CA4: variants seen among roughly 807,000 people sequenced by gnomAD.
CA4 encodes carbonic anhydrase 4.
A neutral mutation model predicts 34.5 loss-of-function variants in CA4; 24 were observed. The ratio of observed to expected loss-of-function variants is 0.70; its 90% CI spans 0.50 to 0.98. The LOEUF (loss-of-function observed/expected upper bound fraction) is 0.98. Among genes scored for constraint, CA4 ranks in the 50% least tolerant of loss-of-function variants. The probability of loss-of-function intolerance (pLI) is 0.00; values close to 1 mark genes in which losing one functional copy is unlikely to be tolerated. For missense variants in CA4, 394 were observed against 396.7 expected, an observed-to-expected ratio of 0.99 and a Z score of 0.06; for synonymous variants, 178 against 170.6, an observed-to-expected ratio of 1.04 and a Z score of -0.34.
rs748212755 is a variant in CA4, at chr17:60,157,766, C to T, written c.491C>T (p.Ala164Val). ...KEAQDPEDEIAVLAFLVEAGT... is the reference protein window; with the variant it reads ...KEAQDPEDEIVVLAFLVEAGT... ...GCCCAGGACCCTGAAGACGAAATTG[C>T]GGTGCTGGCCTTTCTGGTGGAGGTG... is the stretch of plus-strand genomic sequence containing the variant. The change falls in exon 5 of 8, where the codon GCG (alanine) becomes GTG (valine). Residue 164 changes from alanine (A) to valine (V), a missense_variant. Transcript: ENST00000300900. The T allele has an allele frequency of 5.6e-6, 9 of 1,613,370 alleles. No individual in the cohort carries two copies. Among genetic ancestry groups the T allele is most frequent in the African/African-American group, 2.7e-5 (2 of 74,936 alleles).
chr17:60,159,676 T>G (rs1390929618), downstream of CA4: 1 of 593,868 alleles, frequency 1.7e-6, no homozygotes, highest in Non-Finnish European at 3.0e-6. Flanking sequence ...TACCACCAGG[T>G]GTCCCCACTC....
Position 60,158,065 on chromosome 17 carries a change from G to T in CA4, c.518G>T (p.Gly173Val). ...GACCCTTCCCTCCCTTTCCAGGCTG[G>T]AACCCAGGTGAACGAGGGCTTCCAG... is the stretch of plus-strand genomic sequence containing the variant. ...IAVLAFLVEA[G>V]TQVNEGFQPL... The change falls in exon 6 of 8, where the codon GGA becomes GTA. Residue 173 changes from glycine (G) to valine (V), a missense_variant. Gly to Val is a moderately radical substitution (Grantham distance 109, BLOSUM62 -3). Transcript: ENST00000300900. 6.2e-7 allele frequency: 1 copy of T among 1,613,978 alleles called. No homozygotes were observed. Among genetic ancestry groups the T allele is most frequent in the Non-Finnish European group, 8.5e-7 (1 of 1,179,966 alleles).
chr17:60,177,300 T>C, the CA4 span, among the ~76,000 whole-genome samples: 75 of 152,360 alleles, frequency 4.9e-4, no homozygotes, highest in African/African-American at 1.7e-3. Flanking sequence ...CCATATACAA[T>C]TACCAATACT....
rs1299826274 is a variant in CA4 at position 60,156,584 on chromosome 17, G to A, written c.137G>A (p.Cys46Tyr). 2.5e-6 allele frequency: 4 copies of A among 1,614,198 alleles called. No homozygotes were observed. The highest frequency in any genetic ancestry group is 1.7e-5 in the Admixed American group (1 of 60,024). The change falls in exon 3 of 8, where the codon TGC (cysteine) becomes TAC (tyrosine). Residue 46 changes from cysteine (C) to tyrosine (Y), a missense_variant. Transcript: ENST00000300900. ...CLVPVKWGGNCQKDRQSPINI... is the reference protein window; with the variant it reads ...CLVPVKWGGNYQKDRQSPINI... The stretch of plus-strand genomic sequence containing the variant: ...GTGCCAGTCAAGTGGGGTGGAAACT[G>A]CCAGAAGGACCGCCAGTCCCCCATC...
intron 5 of CA4, 105 bp from the exon 6 acceptor site, chr17:60,157,956 A>C: frequency 6.4e-7 from 1 of 1,561,666 alleles, no homozygotes; most frequent in Non-Finnish European, 8.7e-7. Context: ...CCAGAGCCTC[A>C]ATCCCAGAAG....
downstream of CA4, among the ~76,000 whole-genome samples, chr17:60,161,804 G>T (rs1289879174): frequency 1.3e-5 from 2 of 152,236 alleles, no homozygotes; most frequent in South Asian, 2.1e-4. Flanking sequence ...GTCAGCGGGG[G>T]GTGTGTGGAC....
downstream of CA4, among the ~76,000 whole-genome samples, chr17:60,171,102 G>A (rs2083907321): frequency 6.6e-6 from 1 of 152,232 alleles, no homozygotes; most frequent in Admixed American, 6.5e-5. Flanking sequence ...TGCATAGCAT[G>A]GGGTTTGGCA....
At chr17:60,155,214 G>A in intron 1 of CA4, 100 bp from the exon 2 acceptor site, 1 of 1,088,812 alleles carries the variant, frequency 9.2e-7, no homozygotes, top group Non-Finnish European at 1.4e-6. Context: ...AGCCCAAGAG[G>A]GGCTCCAACC....
At chr17:60,153,309 G>A (rs1375355571) in intron 1 of CA4, among the ~76,000 whole-genome samples, 1 of 152,138 alleles carries the variant, frequency 6.6e-6, no homozygotes, top group East Asian at 1.9e-4. Flanking sequence ...CTGCCCTCCA[G>A]CCTGGGCAAC....
At chr17:60,153,614 C>T (rs567128570) in intron 1 of CA4, among the ~76,000 whole-genome samples, 3 of 152,334 alleles carry the variant, frequency 2.0e-5, no homozygotes, top group East Asian at 1.9e-4. Context: ...GGGTCTGGAT[C>T]GGGACCCCTT....
At chr17:60,154,278 G>A (rs936288934) in intron 1 of CA4, among the ~76,000 whole-genome samples, 3 of 152,060 alleles carry the variant, frequency 2.0e-5, no homozygotes, top group African/African-American at 4.8e-5. Flanking sequence ...AGGAGTTGTC[G>A]ATGGGATTTT....
chr17:60,152,307 C>T (rs1415660385), intron 1 of CA4, among the ~76,000 whole-genome samples: 1 of 152,038 alleles, frequency 6.6e-6, no homozygotes, highest in Non-Finnish European at 1.5e-5. Flanking sequence ...GGTGCTCCTG[C>T]CACCAGCACC....
the CA4 span, among the ~76,000 whole-genome samples, chr17:60,177,084 C>G: frequency 6.6e-6 from 1 of 152,146 alleles, no homozygotes; most frequent in Non-Finnish European, 1.5e-5. Flanking sequence ...GAATCCTGCT[C>G]TACAGAGTTT....
chr17:60,163,700 T>C (rs1310630601), downstream of CA4, among the ~76,000 whole-genome samples: 1 of 152,200 alleles, frequency 6.6e-6, no homozygotes, highest in Non-Finnish European at 1.5e-5. Flanking sequence ...AGCCCTCGGC[T>C]GGACACGTGG....
chr17:60,178,647 G>A, the CA4 span, among the ~76,000 whole-genome samples: 1 of 152,138 alleles, frequency 6.6e-6, no homozygotes, highest in African/African-American at 2.4e-5. Context: ...GACTGGTTGT[G>A]TCTCAAACAT....
chr17:60,171,397 G>A (rs1389540942), downstream of CA4, among the ~76,000 whole-genome samples: 1 of 152,226 alleles, frequency 6.6e-6, no homozygotes, highest in Non-Finnish European at 1.5e-5. Context: ...AGGGAACAGA[G>A]GCCAGGCAGC....
chr17:60,159,279 G>T lies in CA4; in HGVS notation c.794G>T (p.Ser265Ile), dbSNP rs1464205331. ...TACTACGACAAGGAACAGACAGTGA[G>T]CATGAAGGACAATGTCAGGCCCCTG... ...KLYYDKEQTV[S>I]MKDNVRPLQQ... is the part of the protein sequence containing the mutation. Residue 265 changes from serine to isoleucine, a missense_variant, in exon 8 of 8, where the codon AGC becomes ATC. Transcript: ENST00000300900. 6.2e-7 allele frequency: 1 copy of T among 1,610,174 alleles called. No individual in the cohort carries two copies. The highest frequency in any genetic ancestry group is 1.1e-5 in the South Asian group (1 of 90,498).
chr17:60,169,406 T>C (rs2083892788), intron 5 of CA4, among the ~76,000 whole-genome samples: 1 of 152,002 alleles, frequency 6.6e-6, no homozygotes, highest in Non-Finnish European at 1.5e-5. Context: ...TAAACACAAT[T>C]ACACCTAAGC....
the CA4 span, among the ~76,000 whole-genome samples, chr17:60,176,856 A>G: frequency 6.6e-6 from 1 of 152,204 alleles, no homozygotes; most frequent in Non-Finnish European, 1.5e-5. Context: ...GATTCTCATA[A>G]GGAGCACACA....
Sources: allele counts gnomAD v4.1 joint callset (sites outside exome capture counted in the v4.1 genomes callset), GRCh38; gene constraint gnomAD v4.1.1; transcripts MANE v1.5; gene names NCBI Gene and HGNC (gene_info 2026-07-23, HGNC 2026-07-21).